Variants in MYLK observed in about 807,000 individuals in gnomAD.
The protein encoded by MYLK is myosin light chain kinase.
In MYLK, 106 loss-of-function variants were observed where a neutral mutation model predicts 203.4. The observed-to-expected ratio is 0.52, with a 90% CI of 0.45 to 0.61. The LOEUF (loss-of-function observed/expected upper bound fraction) is 0.61. Among genes scored for constraint, MYLK ranks in the 20% least tolerant of loss-of-function variants. The probability of loss-of-function intolerance (pLI) is 0.00; values close to 1 mark genes in which losing one functional copy is unlikely to be tolerated. For missense variants in MYLK, 2,072 were observed against 2,442.3 expected (o/e 0.85, Z 3.20); for synonymous variants, 867 against 959.5 (o/e 0.90, Z 1.78).
At chr3:123,860,665 A>T (rs1217111387) in intron 2 of MYLK, among the ~76,000 whole-genome samples, 1 of 152,162 alleles carries the variant, frequency 6.6e-6, no homozygotes, top group Non-Finnish European at 1.5e-5. Context: ...CTTGCCGTGG[A>T]TCGTTAAAGT....
At chr3:123,682,332 T>G (rs1313514899) in intron 19 of MYLK, 22 bp from the exon 20 acceptor site, 3 of 1,558,556 alleles carry the variant, frequency 1.9e-6, no homozygotes, top group Admixed American at 3.7e-5. Context: ...CAGGTAACAA[T>G]AAATGTTAGC....
chr3:123,679,495 G>A (rs1376621742), intron 20 of MYLK, among the ~76,000 whole-genome samples: 4 of 151,956 alleles, frequency 2.6e-5, no homozygotes, highest in Admixed American at 2.6e-4. Context: ...AGCCAGCCTG[G>A]CACCGCTCTC....
intron 2 of MYLK, among the ~76,000 whole-genome samples, chr3:123,848,964 T>C (rs1351051456): frequency 6.6e-6 from 1 of 152,136 alleles, no homozygotes; most frequent in Admixed American, 6.5e-5. Flanking sequence ...TTCAACATGT[T>C]ATCCTTTTCT....
At chr3:123,724,411 C>T (rs2062205899) in intron 12 of MYLK, among the ~76,000 whole-genome samples, 1 of 152,088 alleles carries the variant, frequency 6.6e-6, no homozygotes, top group Non-Finnish European at 1.5e-5. Context: ...AGTCTAGACT[C>T]CGTTATTAGT....
chr3:123,846,114 A>T (rs1243266532), intron 2 of MYLK, among the ~76,000 whole-genome samples: 2 of 152,192 alleles, frequency 1.3e-5, no homozygotes, highest in Admixed American at 6.5e-5. Context: ...ATGGTGAAAG[A>T]TTTCTATCAT....
rs544269654 is a variant in MYLK at position 123,836,892 on chromosome 3, A to G, written c.-126-5222T>C. Among the ~76,000 whole-genome samples, 61 of 152,368 alleles carry G rather than the reference A, an allele frequency of 4.0e-4. 2 individuals are homozygous for G. The South Asian group carries it at 0.012, about 30-fold the overall frequency. On this transcript the variant is annotated intron_variant, in intron 2 of 33. Transcript: ENST00000360304. ...AAATTTATAAGACTAATAACTATAA[A>G]TTACAAAACACATGGAAACATAAAG...
At chr3:123,784,195 C>A (rs2064412336) in intron 4 of MYLK, among the ~76,000 whole-genome samples, 1 of 152,132 alleles carries the variant, frequency 6.6e-6, no homozygotes, top group Admixed American at 6.5e-5. Context: ...AGTGACGGCA[C>A]CCTCTGGGCC....
chr3:123,865,389 T>C (rs1443823729), intron 2 of MYLK, among the ~76,000 whole-genome samples: 1 of 152,202 alleles, frequency 6.6e-6, no homozygotes, highest in East Asian at 1.9e-4. Context: ...CAGTGAAGAA[T>C]ATGAATGGAA....
chr3:123,830,410 A>T (rs1046792022), intron 3 of MYLK, among the ~76,000 whole-genome samples: 1 of 152,194 alleles, frequency 6.6e-6, no homozygotes. Context: ...CTTTAATGTT[A>T]TGGGATTTAT....
chr3:123,754,786 C>T (rs1005575285), intron 4 of MYLK, among the ~76,000 whole-genome samples: 5 of 152,110 alleles, frequency 3.3e-5, no homozygotes, highest in African/African-American at 1.2e-4. Flanking sequence ...TTAAAAAATG[C>T]ATTTCTTTTA....
chr3:123,725,855 A>G (rs1315034822), intron 12 of MYLK, 89 bp downstream of exon 12: 2 of 1,543,412 alleles, frequency 1.3e-6, no homozygotes, highest in African/African-American at 2.7e-5. Context: ...TGTCCAAGGC[A>G]TAAATGGCTC....
At chr3:123,658,027 T>C (rs1480150761) in intron 23 of MYLK, among the ~76,000 whole-genome samples, 1 of 152,248 alleles carries the variant, frequency 6.6e-6, no homozygotes, top group Non-Finnish European at 1.5e-5. Flanking sequence ...AGTTTCCTCA[T>C]CTGTAAAATG....
At chr3:123,701,136 C>T (rs867636182) in intron 17 of MYLK, 131 bp from the exon 18 acceptor site, 11 of 1,278,948 alleles carry the variant, frequency 8.6e-6, no homozygotes, top group Middle Eastern at 2.5e-4. Flanking sequence ...GGGAGGCCGG[C>T]CAGGCTGTGT....
At chr3:123,724,641 C>T (rs925075513) in intron 12 of MYLK, among the ~76,000 whole-genome samples, 4 of 152,212 alleles carry the variant, frequency 2.6e-5, no homozygotes, top group Admixed American at 2.6e-4. Flanking sequence ...ACTACACCAA[C>T]AAGGAAGGTT....
Position 123,733,064 on chromosome 3 carries a change from C to T in MYLK, c.1348G>A (p.Glu450Lys). The T allele has an allele frequency of 6.2e-7, 1 of 1,614,032 alleles. No homozygotes were observed. The highest frequency in any genetic ancestry group is 1.1e-5 in the South Asian group (1 of 91,048). The change falls in exon 11 of 34, where the codon GAA (glutamate) becomes AAA (lysine). Residue 450 changes from glutamate to lysine, a missense_variant. Glu to Lys is a moderately conservative substitution (Grantham distance 56). This residue lies in a region of MYLK where 683 missense variants were observed against 643.8 expected (regional missense o/e 1.06). Transcript: ENST00000360304. ...TCCTGTCTCCTCACGGGGGTGCCTT[C>T]CAGGAACCAGGCCACTTCAGGCTTT... ...IPKPEVAWFL[E>K]GTPVRRQEGS...
rs1303202735 is a variant in MYLK at position 123,884,231 on chromosome 3, CCGGGGCACCGGCGCTCGG to C, written c.-229_-212del. The C allele has an allele frequency of 6.7e-6, 1 of 150,130 alleles. No individual in the cohort carries two copies. Among genetic ancestry groups the C allele is most frequent in the African/African-American group, 2.4e-5 (1 of 41,212 alleles). 9.3% of individuals were successfully genotyped at this position (150,130 alleles called of 1,614,324 possible). Reference sequence around the variant, plus strand: ...CCGCGCGGCGAAGGCGGCCCGGGAGCCGGGGCACCGGCGCTCGGCGGGGCGCCCCGGCCGCAGGCGCAC... The same window carrying C: ...CCGCGCGGCGAAGGCGGCCCGGGAGCCGGGGCGCCCCGGCCGCAGGCGCAC... On this transcript the variant is annotated 5_prime_UTR_variant, in exon 1 of 34. Transcript: ENST00000360304.
chr3:123,725,033 A>G (rs820359), intron 12 of MYLK, among the ~76,000 whole-genome samples: 146,278 of 152,250 alleles, frequency 0.96, 70,502 homozygotes, highest in East Asian at 1. Context: ...ATGAGCCACC[A>G]CACCTGGCCC....
At chr3:123,774,634 G>T (rs2064000969) in intron 4 of MYLK, among the ~76,000 whole-genome samples, 1 of 152,120 alleles carries the variant, frequency 6.6e-6, no homozygotes, top group South Asian at 2.1e-4. Context: ...TTATGGCAAG[G>T]CTTCCTAGTC....
At chr3:123,682,903 C>A (rs1284301987) in intron 19 of MYLK, among the ~76,000 whole-genome samples, 1 of 152,158 alleles carries the variant, frequency 6.6e-6, no homozygotes, top group Non-Finnish European at 1.5e-5. Context: ...AGACCTCCCC[C>A]AACAGGCCCA....
Sources: gnomAD v4.1 joint callset for allele counts (sites outside exome capture counted in the v4.1 genomes callset) on GRCh38, gnomAD v4.1.1 for gene constraint, gnomAD v4.1.1 regional missense constraint, MANE v1.5 for transcripts, NCBI Gene and HGNC (gene_info 2026-07-23, HGNC 2026-07-21) for gene names.